The following MBD5 variants were observed in gnomAD, a reference collection of about 807,000 sequenced individuals.
MBD5 encodes methyl-CpG binding domain protein 5.
Under a neutral mutation model 117.3 loss-of-function variants are expected in MBD5, and 13 were observed. The observed-to-expected ratio is 0.11, with a 90% confidence interval of 0.07 to 0.18. The LOEUF is 0.18. Ranked by LOEUF, MBD5 falls within the 10% of genes least tolerant of loss-of-function variation. The pLI is 1.00. For missense variants in MBD5, 1,879 were observed against 2,093.8 expected (o/e 0.90, Z 2.00); for synonymous variants, 727 against 766.4 (o/e 0.95, Z 0.85).
chr2:148,314,696 G>A (rs1702118130), intron 3 of MBD5, among the ~76,000 whole-genome samples: 1 of 152,086 alleles, frequency 6.6e-6, no homozygotes, highest in African/African-American at 2.4e-5. Context: ...CCATAGACAA[G>A]TGCTGGGATT....
intron 1 of MBD5, among the ~76,000 whole-genome samples, chr2:148,029,744 CT>C (rs1200807221): frequency 1.3e-5 from 2 of 152,010 alleles, no homozygotes; most frequent in Admixed American, 6.6e-5. Context: ...ACATTGGTTT[CT>C]TTTTTTACGA....
chr2:148,060,666 A>G (rs914270853), intron 1 of MBD5, among the ~76,000 whole-genome samples: 3 of 152,192 alleles, frequency 2.0e-5, no homozygotes, highest in African/African-American at 7.2e-5. Flanking sequence ...AGAATTGGAA[A>G]AAGCAATTAC....
intron 1 of MBD5, chr2:148,028,218 G>A (rs1220681904): frequency 2.0e-5 from 3 of 152,114 alleles, no homozygotes; most frequent in Non-Finnish European, 4.4e-5. Context: ...AGAATACATT[G>A]TTTTAAAGGA....
intron 4 of MBD5, among the ~76,000 whole-genome samples, chr2:148,359,618 A>G (rs943974745): frequency 2.6e-5 from 4 of 152,150 alleles, no homozygotes; most frequent in Non-Finnish European, 4.4e-5. Flanking sequence ...CTCGATTGAA[A>G]GATCCTTGTA....
chr2:148,096,809 T>C (rs557704949), intron 1 of MBD5, among the ~76,000 whole-genome samples: 67 of 152,340 alleles, frequency 4.4e-4, no homozygotes, highest in Middle Eastern at 3.4e-3. Flanking sequence ...ATTAAAAATA[T>C]AATACATATT....
At chr2:148,427,887 C>G (rs1218363461) in intron 4 of MBD5, among the ~76,000 whole-genome samples, 1 of 151,858 alleles carries the variant, frequency 6.6e-6, no homozygotes, top group African/African-American at 2.4e-5. Flanking sequence ...CAGCCAATAT[C>G]ATACTGAATG....
At chr2:148,292,400 G>A (rs1179427815) in intron 3 of MBD5, among the ~76,000 whole-genome samples, 1 of 152,064 alleles carries the variant, frequency 6.6e-6, no homozygotes, top group Non-Finnish European at 1.5e-5. Context: ...TTTAAAAATG[G>A]GCAAAAGATT....
At chr2:148,370,404 G>C (rs1051270613) in intron 4 of MBD5, among the ~76,000 whole-genome samples, 1 of 152,114 alleles carries the variant, frequency 6.6e-6, no homozygotes, top group Admixed American at 6.6e-5. Flanking sequence ...AAATATTACT[G>C]TTTGGTGATT....
chr2:148,403,768 C>T (rs908795900), intron 4 of MBD5, among the ~76,000 whole-genome samples: 2 of 151,880 alleles, frequency 1.3e-5, no homozygotes, highest in African/African-American at 2.4e-5. Flanking sequence ...GTGTGTATTT[C>T]GTTCAATACA....
intron 1 of MBD5, among the ~76,000 whole-genome samples, chr2:148,170,607 GT>G (rs1462334941): frequency 6.6e-6 from 1 of 152,194 alleles, no homozygotes; most frequent in African/African-American, 2.4e-5. Flanking sequence ...AAAGTCACCT[GT>G]CAGATCAGAA....
intron 1 of MBD5, among the ~76,000 whole-genome samples, chr2:148,159,484 C>A (rs1489915986): frequency 6.6e-6 from 1 of 152,008 alleles, no homozygotes. Context: ...TAGGGTTTCA[C>A]CATGTTTCCC....
At chr2:148,231,951 C>T (rs528338308) in intron 2 of MBD5, among the ~76,000 whole-genome samples, 6 of 152,084 alleles carry the variant, frequency 3.9e-5, no homozygotes, top group East Asian at 1.9e-4. Flanking sequence ...AAGTTGGAGG[C>T]GGAGGTTTTT....
At chr2:148,090,294 C>T (rs1490702780) in intron 1 of MBD5, among the ~76,000 whole-genome samples, 1 of 151,914 alleles carries the variant, frequency 6.6e-6, no homozygotes, top group Non-Finnish European at 1.5e-5. Context: ...TTACTGAAAC[C>T]ATTCCAAAAG....
chr2:148,135,685 G>A (rs1485619117), intron 1 of MBD5, among the ~76,000 whole-genome samples: 1 of 152,066 alleles, frequency 6.6e-6, no homozygotes, highest in Non-Finnish European at 1.5e-5. Flanking sequence ...GAGGGGCCCA[G>A]GATTTTTTGC....
intron 4 of MBD5, among the ~76,000 whole-genome samples, chr2:148,348,578 T>C (rs1703178409): frequency 6.6e-6 from 1 of 152,066 alleles, no homozygotes; most frequent in Non-Finnish European, 1.5e-5. Context: ...AAGAAATTTT[T>C]TGAGAGTAGT....
intron 1 of MBD5, among the ~76,000 whole-genome samples, chr2:148,135,035 C>T (rs1697140192): frequency 6.6e-6 from 1 of 152,170 alleles, no homozygotes; most frequent in Non-Finnish European, 1.5e-5. Flanking sequence ...GAATGCTTTG[C>T]TGCCAGTTCT....
chr2:148,399,732 A>T (rs1224212053), intron 4 of MBD5, among the ~76,000 whole-genome samples: 4 of 152,208 alleles, frequency 2.6e-5, no homozygotes, highest in South Asian at 4.1e-4. Context: ...GTCTTGTGCC[A>T]GTTTTCAAAG....
chr2:148,306,479 A>G (rs1201989390), intron 3 of MBD5, among the ~76,000 whole-genome samples: 1 of 152,210 alleles, frequency 6.6e-6, no homozygotes, highest in Non-Finnish European at 1.5e-5. Flanking sequence ...AAACAACTAT[A>G]TTGCCATAAA....
At chr2:148,442,504 A>G (rs1227902016) in intron 4 of MBD5, among the ~76,000 whole-genome samples, 1 of 151,358 alleles carries the variant, frequency 6.6e-6, no homozygotes, top group Non-Finnish European at 1.5e-5. Flanking sequence ...TAAAAAATAG[A>G]CTATGTTAGA....
Sources: gnomAD v4.1 joint callset for allele counts (sites outside exome capture counted in the v4.1 genomes callset) on GRCh38, gnomAD v4.1.1 for gene constraint, MANE v1.5 for transcripts, NCBI Gene and HGNC (gene_info 2026-07-23, HGNC 2026-07-21) for gene names.